Variants in PTGER4 observed in about 807,000 individuals in gnomAD.
PTGER4 encodes the protein prostaglandin E2 receptor EP4 subtype.
A neutral mutation model predicts 33.2 loss-of-function variants in PTGER4; 11 were observed. That is an observed-to-expected ratio of 0.33 (90% CI 0.21 to 0.55). The LOEUF (loss-of-function observed/expected upper bound fraction) is 0.55. Ranked by LOEUF, PTGER4 falls within the 20% of genes least tolerant of loss-of-function variation. PTGER4 has a pLI of 0.92. For missense variants in PTGER4, 481 were observed against 650.2 expected (o/e 0.74, Z 2.83); for synonymous variants, 275 against 281.5 (o/e 0.98, Z 0.23).
the PTGER4 span, among the ~76,000 whole-genome samples, chr5:40,701,296 C>T: frequency 6.6e-6 from 1 of 152,152 alleles, no homozygotes; most frequent in African/African-American, 2.4e-5. Flanking sequence ...TAAAGTGATA[C>T]AGGAGCTGAA....
chr5:40,735,492 AC>A, the PTGER4 span, among the ~76,000 whole-genome samples: 1 of 152,224 alleles, frequency 6.6e-6, no homozygotes, highest in Non-Finnish European at 1.5e-5. Flanking sequence ...TACCTGGAAA[AC>A]AGAGCCTGAG....
the PTGER4 span, chr5:40,728,295 A>AAAAAAAAAAAAAAAAAT: frequency 8.1e-7 from 1 of 1,239,904 alleles, no homozygotes; most frequent in Non-Finnish European, 1.1e-6. Context: ...AAAAAAAAAA[A>AAAAAAAAAAAAAAAAAT]GTCAAAATAT....
chr5:40,701,264 C>G, the PTGER4 span, among the ~76,000 whole-genome samples: 1 of 152,048 alleles, frequency 6.6e-6, no homozygotes, highest in African/African-American at 2.4e-5. Flanking sequence ...AAAACCAAAT[C>G]CAAGGAAAAT....
chr5:40,729,308 C>T, the PTGER4 span, among the ~76,000 whole-genome samples: 113 of 152,204 alleles, frequency 7.4e-4, 1 homozygote, highest in Admixed American at 1.2e-3. Context: ...TTTGAGATCA[C>T]GATTTGAAAA....
the PTGER4 span, among the ~76,000 whole-genome samples, chr5:40,722,614 G>A: frequency 6.6e-6 from 1 of 151,896 alleles, no homozygotes; most frequent in Non-Finnish European, 1.5e-5. Context: ...GAGAAGTGAG[G>A]AGCCCCTCCG....
At chr5:40,711,260 G>T in the PTGER4 span, among the ~76,000 whole-genome samples, 1 of 151,974 alleles carries the variant, frequency 6.6e-6, no homozygotes, top group African/African-American at 2.4e-5. Context: ...TTCCAAAAAA[G>T]AGAAATGTCA....
rs900370303 is a variant in PTGER4, at chr5:40,691,723, T to C, written c.868-56T>C. 3.9e-6 allele frequency: 6 copies of C among 1,553,864 alleles called. No individual in the cohort carries two copies. Among genetic ancestry groups the C allele is most frequent in the Admixed American group, 1.9e-5 (1 of 52,030 alleles). ...ATTGATAAGGTAGACATAGCATTTATATGTTTTCCCAATTGATTAATGATG... is the reference window on the plus strand; with the variant it reads ...ATTGATAAGGTAGACATAGCATTTACATGTTTTCCCAATTGATTAATGATG... On this transcript the variant is annotated intron_variant, in intron 2 of 2. Transcript: ENST00000302472. The surrounding 1 kb of genome is among the most constrained non-coding windows in gnomAD (Gnocchi z 4.2).
the PTGER4 span, among the ~76,000 whole-genome samples, chr5:40,727,702 T>C: frequency 1.3e-4 from 20 of 152,334 alleles, no homozygotes; most frequent in East Asian, 3.5e-3. Context: ...TATAATGTGG[T>C]AAATGTAATG....
At chr5:40,724,498 T>G in the PTGER4 span, among the ~76,000 whole-genome samples, 3 of 151,944 alleles carry the variant, frequency 2.0e-5, no homozygotes, top group African/African-American at 7.3e-5. Context: ...CCAGACATGG[T>G]GGCACACGCC....
chr5:40,682,057 T>G (rs987713050), intron 2 of PTGER4, among the ~76,000 whole-genome samples, 197 bp downstream of exon 2: 2 of 151,846 alleles, frequency 1.3e-5, no homozygotes, highest in African/African-American at 4.8e-5. Context: ...ATTTAGCAGG[T>G]GCTTTGCCCC....
intron 2 of PTGER4, among the ~76,000 whole-genome samples, chr5:40,688,627 G>A (rs1279235131): frequency 6.6e-6 from 1 of 152,140 alleles, no homozygotes; most frequent in Non-Finnish European, 1.5e-5. Flanking sequence ...AAAACCTCTG[G>A]GTCTCAGTAA....
At position 40,681,380 on chromosome 5, in the gene PTGER4, C is replaced by G. The variant is rs370415567; in HGVS notation, c.387C>G (p.His129Gln). The change falls in exon 2 of 3, where the codon CAC (histidine) becomes CAG (glutamine). Residue 129 changes from histidine to glutamine, a missense_variant. His to Gln is a conservative substitution (Grantham distance 24, BLOSUM62 0). This residue lies in a region of PTGER4 where 43 missense variants were observed against 39.4 expected (regional missense o/e 1.09). Coordinates refer to ENST00000302472, the MANE Select transcript of PTGER4 (RefSeq NM_000958.3). This position sits in a 1 kb window ranked among gnomAD's most constrained non-coding sequence, Gnocchi z 9.8. ...TCAACCATGCCTATTTCTACAGCCA[C>G]TACGTGGACAAGCGATTGGCGGGCC... Reference protein sequence around the residue: ...LAINHAYFYSHYVDKRLAGLT... With the variant: ...LAINHAYFYSQYVDKRLAGLT... The G allele has an allele frequency of 1.9e-5, 31 of 1,614,058 alleles. No homozygotes were observed. In the South Asian group the frequency reaches 3.1e-4, roughly 16 times the overall value.
At position 40,680,559 on chromosome 5, in the gene PTGER4, G is replaced by T; in HGVS notation, c.-44+81G>T. 1.3e-5 allele frequency: 2 copies of T among 158,978 alleles called. No homozygotes were observed. Among genetic ancestry groups the T allele is most frequent in the South Asian group, 1.7e-4 (1 of 5,750 alleles). 9.8% of individuals were successfully genotyped at this position (158,978 alleles called of 1,614,324 possible). ...GCCCTCGCCGAAGAGAGCCAAGAAG[G>T]GAAGAGCGCGCTCTCCAAATTGCTT... On this transcript the variant is annotated intron_variant, in intron 1 of 2. Coordinates refer to ENST00000302472, the MANE Select transcript of PTGER4 (RefSeq NM_000958.3). This position sits in a 1 kb window ranked among gnomAD's most constrained non-coding sequence, Gnocchi z 5.5.
chr5:40,682,606 CAA>C (rs1741227292), intron 2 of PTGER4, among the ~76,000 whole-genome samples: 2 of 152,188 alleles, frequency 1.3e-5, no homozygotes, highest in African/African-American at 4.8e-5. Flanking sequence ...ACCAGGAAAG[CAA>C]AGTTTCTCAG....
the PTGER4 span, among the ~76,000 whole-genome samples, chr5:40,711,710 G>C: frequency 6.6e-6 from 1 of 152,002 alleles, no homozygotes; most frequent in South Asian, 2.1e-4. Context: ...CAATAAAAAG[G>C]AACTTATTAT....
At position 40,681,606 on chromosome 5, in the gene PTGER4, C is replaced by T. The variant is rs2111783878; in HGVS notation, c.613C>T (p.Leu205Phe). ...TCTCGCCACCGTCCTCTGCAACGTG[C>T]TTGTGTGCGGCGCGCTGCTCCGCAT... Reference protein sequence around the residue: ...LILATVLCNVLVCGALLRMHR... With the variant: ...LILATVLCNVFVCGALLRMHR... Residue 205 changes from leucine (L) to phenylalanine (F), a missense_variant, in exon 2 of 3, where the codon CTT becomes TTT. Coordinates refer to ENST00000302472, the MANE Select transcript of PTGER4 (RefSeq NM_000958.3). This position sits in a 1 kb window ranked among gnomAD's most constrained non-coding sequence, Gnocchi z 9.8. 6.2e-7 allele frequency: 1 copy of T among 1,607,488 alleles called. No individual in the cohort carries two copies. Among genetic ancestry groups the T allele is most frequent in the East Asian group, 2.2e-5 (1 of 44,870 alleles).
At chr5:40,728,146 T>A in the PTGER4 span, among the ~76,000 whole-genome samples, 2 of 151,594 alleles carry the variant, frequency 1.3e-5, no homozygotes, top group Admixed American at 1.3e-4. Context: ...TAGCCAGGCA[T>A]GGTGGCGCAT....
At position 40,681,380 on chromosome 5, in the gene PTGER4, C is replaced by T. The variant is rs370415567; in HGVS notation, c.387C>T (p.His129=). Residue 129 remains histidine, a synonymous_variant, in exon 2 of 3, where the codon CAC becomes CAT. Transcript: ENST00000302472. This position sits in a 1 kb window ranked among gnomAD's most constrained non-coding sequence, Gnocchi z 9.8. ...TCAACCATGCCTATTTCTACAGCCA[C>T]TACGTGGACAAGCGATTGGCGGGCC... is the stretch of plus-strand genomic sequence containing the variant. The part of the protein sequence containing the change: ...LAINHAYFYS[H]YVDKRLAGLT... 6.8e-5 allele frequency: 109 copies of T among 1,614,058 alleles called. No homozygotes were observed. Among genetic ancestry groups the T allele is most frequent in the Non-Finnish European group, 8.6e-5 (102 of 1,180,046 alleles).
At chr5:40,726,128 T>C in the PTGER4 span, among the ~76,000 whole-genome samples, 39 of 147,384 alleles carry the variant, frequency 2.6e-4, no homozygotes, top group Admixed American at 2.0e-3. Context: ...TAAAATCTCA[T>C]TCTCATAAAG....
Sources: gnomAD v4.1 joint callset for allele counts (sites outside exome capture counted in the v4.1 genomes callset) on GRCh38, gnomAD v4.1.1 for gene constraint, gnomAD v4.1.1 regional missense constraint, Gnocchi (gnomAD v3.1) non-coding constraint, MANE v1.5 for transcripts, NCBI Gene and HGNC (gene_info 2026-07-23, HGNC 2026-07-21) for gene names.